The following HIVEP3 variants were observed in gnomAD, a reference collection of about 807,000 sequenced individuals.
HIVEP3 encodes transcription factor HIVEP3.
A neutral mutation model predicts 152.8 loss-of-function variants in HIVEP3; 49 were observed. That is an observed-to-expected ratio of 0.32 (90% CI 0.26 to 0.41). The LOEUF is 0.41. Ranked by LOEUF, HIVEP3 falls within the 10% of genes least tolerant of loss-of-function variation. The probability of loss-of-function intolerance (pLI) is 1.00; values close to 1 mark genes in which losing one functional copy is unlikely to be tolerated. For synonymous variants in HIVEP3, 1,269 were observed against 1,289.0 expected (o/e 0.98, Z 0.33); for missense variants, 2,790 against 3,103.3 (o/e 0.90, Z 2.40).
intron 1 of HIVEP3, among the ~76,000 whole-genome samples, chr1:41,850,620 T>A (rs1488850629): frequency 6.6e-6 from 1 of 152,180 alleles, no homozygotes; most frequent in Admixed American, 6.5e-5. Flanking sequence ...GGGCTTCCCC[T>A]TCTGGTCCTC....
intron 2 of HIVEP3, among the ~76,000 whole-genome samples, chr1:41,650,159 G>A (rs1001477175): frequency 2.6e-5 from 4 of 152,230 alleles, no homozygotes; most frequent in South Asian, 2.1e-4. Flanking sequence ...GGCAGCACCC[G>A]GTTAAGGATG....
chr1:41,586,721 C>T (rs1030280899), intron 3 of HIVEP3, among the ~76,000 whole-genome samples: 1 of 152,184 alleles, frequency 6.6e-6, no homozygotes, highest in African/African-American at 2.4e-5. Flanking sequence ...GCAGGGCCCT[C>T]GGACACTGTG....
intron 1 of HIVEP3, among the ~76,000 whole-genome samples, chr1:41,910,212 T>C (rs1009485842): frequency 1.7e-4 from 26 of 151,804 alleles, no homozygotes; most frequent in African/African-American, 6.3e-4. Flanking sequence ...TTATAGAAGG[T>C]ATTACAAATG....
chr1:41,982,932 T>C (rs1645301487), intron 1 of HIVEP3, among the ~76,000 whole-genome samples: 2 of 152,230 alleles, frequency 1.3e-5, no homozygotes, highest in Non-Finnish European at 2.9e-5. Context: ...CCAATCTTTT[T>C]GGCACCAGGG....
intron 2 of HIVEP3, among the ~76,000 whole-genome samples, chr1:41,697,795 C>T (rs1280764779): frequency 6.6e-6 from 1 of 152,184 alleles, no homozygotes; most frequent in Non-Finnish European, 1.5e-5. Context: ...GGCATTTGTG[C>T]ATTCTTATTG....
At chr1:41,694,228 CCA>C (rs1646239231) in intron 2 of HIVEP3, among the ~76,000 whole-genome samples, 1 of 152,098 alleles carries the variant, frequency 6.6e-6, no homozygotes. Flanking sequence ...TATTTTGGTA[CCA>C]CCTTCTTGAT....
intron 2 of HIVEP3, among the ~76,000 whole-genome samples, chr1:41,659,393 T>C (rs975465243): frequency 2.0e-5 from 3 of 152,202 alleles, no homozygotes; most frequent in South Asian, 2.1e-4. Context: ...ATCTGATCCA[T>C]TAATATTCAT....
In HIVEP3 at chr1:41,748,513, G is replaced by A. The variant is rs1647106683; in HGVS notation, c.-800-47518C>T. On this transcript the variant is annotated intron_variant, in intron 1 of 8. Coordinates refer to ENST00000372583, the MANE Select transcript of HIVEP3 (RefSeq NM_024503.5). The stretch of plus-strand genomic sequence containing the variant: ...GGCAGCGCTGTGAACAGAGACTTTA[G>A]AGTAACATCATCATGACTGTCATCA... Among the ~76,000 whole-genome samples, 4 of 152,308 alleles carry A rather than the reference G, an allele frequency of 2.6e-5. No homozygotes were observed. In the South Asian group the frequency reaches 8.3e-4, roughly 32 times the overall value.
At chr1:41,699,670 C>T (rs1342351634) in intron 2 of HIVEP3, among the ~76,000 whole-genome samples, 1 of 152,092 alleles carries the variant, frequency 6.6e-6, no homozygotes, top group Non-Finnish European at 1.5e-5. Context: ...TGAAAGGATG[C>T]AGAGGGATGC....
intron 1 of HIVEP3, among the ~76,000 whole-genome samples, chr1:41,774,717 C>T (rs987217384): frequency 3.3e-5 from 5 of 151,984 alleles, no homozygotes; most frequent in African/African-American, 4.8e-5. Flanking sequence ...AGGATCACTG[C>T]TTCTAATTAA....
intron 5 of HIVEP3, among the ~76,000 whole-genome samples, chr1:41,545,226 G>A (rs1254220647): frequency 1.3e-3 from 43 of 33,218 alleles, no homozygotes; most frequent in East Asian, 5.7e-3. Context: ...CACCACCATC[G>A]CTACCATCAC....
At chr1:41,850,661 C>A (rs1643571000) in intron 1 of HIVEP3, among the ~76,000 whole-genome samples, 1 of 152,204 alleles carries the variant, frequency 6.6e-6, no homozygotes, top group Non-Finnish European at 1.5e-5. Flanking sequence ...ATGCCATGGT[C>A]ATTTCTTAGT....
intron 1 of HIVEP3, among the ~76,000 whole-genome samples, chr1:41,828,842 C>T (rs940345786): frequency 6.6e-6 from 1 of 152,230 alleles, no homozygotes; most frequent in African/African-American, 2.4e-5. Context: ...AGGGCTTGCA[C>T]GTAGTGCAGC....
chr1:41,859,859 G>A (rs1051601112), intron 1 of HIVEP3, among the ~76,000 whole-genome samples: 3 of 152,182 alleles, frequency 2.0e-5, no homozygotes, highest in Admixed American at 6.5e-5. Context: ...AAGGAAGCCC[G>A]TTTTCATAAT....
chr1:41,786,247 G>A (rs12137296), intron 1 of HIVEP3, among the ~76,000 whole-genome samples: 18,904 of 152,210 alleles, frequency 0.12, 1,532 homozygotes, highest in Middle Eastern at 0.19. Context: ...GCTTGTTGAC[G>A]ATGACAGGAG....
chr1:41,945,493 G>A (rs1459391991), intron 1 of HIVEP3, among the ~76,000 whole-genome samples: 2 of 152,188 alleles, frequency 1.3e-5, no homozygotes, highest in Non-Finnish European at 2.9e-5. Flanking sequence ...TGCTAAATCA[G>A]ACACTAACCT....
At chr1:41,658,574 C>CA (rs1236717577) in intron 2 of HIVEP3, among the ~76,000 whole-genome samples, 1 of 151,236 alleles carries the variant, frequency 6.6e-6, no homozygotes, top group East Asian at 2.0e-4. Flanking sequence ...GTTCTCACTT[C>CA]ACCCCCCCCA....
At chr1:41,881,916 G>A (rs1404843838) in intron 1 of HIVEP3, among the ~76,000 whole-genome samples, 1 of 152,160 alleles carries the variant, frequency 6.6e-6, no homozygotes, top group Non-Finnish European at 1.5e-5. Context: ...GAGAGTTGAT[G>A]AGAAACAACA....
chr1:41,631,268 C>T (rs924335560), intron 2 of HIVEP3, among the ~76,000 whole-genome samples: 2 of 152,154 alleles, frequency 1.3e-5, no homozygotes, highest in African/African-American at 4.8e-5. Flanking sequence ...CCACTTCTGA[C>T]GTCTGCAACT....
Sources: allele counts gnomAD v4.1 joint callset (sites outside exome capture counted in the v4.1 genomes callset), GRCh38; gene constraint gnomAD v4.1.1; transcripts MANE v1.5; gene names NCBI Gene and HGNC (gene_info 2026-07-23, HGNC 2026-07-21).